The following TMEM114 variants were observed in gnomAD, a reference collection of about 807,000 sequenced individuals.
TMEM114 encodes the protein claudin-26.
In TMEM114, 6 loss-of-function variants were observed where a neutral mutation model predicts 6.2. The ratio of observed to expected loss-of-function variants is 0.97; its 90% CI spans 0.53 to 1.91. The LOEUF is 1.91. Among genes scored for constraint, TMEM114 ranks in the 40% most tolerant of loss-of-function variants. The pLI, the probability that TMEM114 is intolerant of heterozygous loss-of-function variation, is 0.01. For missense variants in TMEM114, 218 were observed against 158.3 expected, an observed-to-expected ratio of 1.38 and a Z score of -2.02; for synonymous variants, 104 against 73.0, an observed-to-expected ratio of 1.42 and a Z score of -2.16.
chr16:8,552,020 C>T (rs185088491), intron 2 of TMEM114, among the ~76,000 whole-genome samples: 1 of 152,242 alleles, frequency 6.6e-6, no homozygotes, highest in African/African-American at 2.4e-5. Context: ...ATATAACATT[C>T]TCAAAATTAC....
chr16:8,561,561 A>G (rs1901200647), intron 2 of TMEM114, among the ~76,000 whole-genome samples: 1 of 152,242 alleles, frequency 6.6e-6, no homozygotes, highest in Admixed American at 6.5e-5. Flanking sequence ...CTGGCACATC[A>G]GGCATCAAAG....
intron 2 of TMEM114, among the ~76,000 whole-genome samples, chr16:8,538,976 T>A (rs1900440935): frequency 6.6e-6 from 1 of 152,196 alleles, no homozygotes; most frequent in Admixed American, 6.5e-5. Flanking sequence ...CCATCTCTAG[T>A]CAAATGCCTG....
At chr16:8,542,078 A>G (rs1027210372) in intron 2 of TMEM114, among the ~76,000 whole-genome samples, 10 of 152,020 alleles carry the variant, frequency 6.6e-5, no homozygotes, top group African/African-American at 2.4e-4. Flanking sequence ...GAAGCATACC[A>G]TTGTGCTGGC....
intron 2 of TMEM114, among the ~76,000 whole-genome samples, chr16:8,584,922 CAAAAAAAAAAAAA>C (rs905674847): frequency 2.0e-5 from 1 of 49,206 alleles, no homozygotes; most frequent in East Asian, 7.6e-4. Context: ...AACGCCGTCT[CAAAAAAAAAAAAA>C]AAAAAAAGAA....
At chr16:8,544,481 A>T (rs539805979) in intron 2 of TMEM114, among the ~76,000 whole-genome samples, 1 of 152,306 alleles carries the variant, frequency 6.6e-6, no homozygotes, top group South Asian at 2.1e-4. Context: ...AAGAAACAAA[A>T]CCTGCTGAAT....
At chr16:8,534,131 T>C (rs776698079), downstream of TMEM114, among the ~76,000 whole-genome samples, 1 of 152,206 alleles carries the variant, frequency 6.6e-6, no homozygotes, top group Non-Finnish European at 1.5e-5. Flanking sequence ...ATATTTATTG[T>C]GCATATTTTA....
intron 2 of TMEM114, among the ~76,000 whole-genome samples, chr16:8,560,404 G>C (rs868194880): frequency 6.6e-6 from 1 of 152,100 alleles, no homozygotes; most frequent in Admixed American, 6.5e-5. Flanking sequence ...GCAAGGGTCA[G>C]ATGAGCCTTG....
At chr16:8,527,196 G>A in the TMEM114 span, among the ~76,000 whole-genome samples, 5 of 152,200 alleles carry the variant, frequency 3.3e-5, no homozygotes, top group Admixed American at 2.6e-4. Flanking sequence ...GGGCAACAGA[G>A]TGAAACTGTG....
intron 2 of TMEM114, among the ~76,000 whole-genome samples, chr16:8,588,190 G>A (rs1180012318): frequency 5.3e-5 from 8 of 151,408 alleles, no homozygotes; most frequent in Non-Finnish European, 4.4e-5. Context: ...AGGAGGCTGA[G>A]ACAGGAGAAT....
At chr16:8,546,780 GTCT>G (rs1340971137) in intron 2 of TMEM114, among the ~76,000 whole-genome samples, 1 of 152,182 alleles carries the variant, frequency 6.6e-6, no homozygotes, top group Non-Finnish European at 1.5e-5. Flanking sequence ...AGCACACCAA[GTCT>G]TCTTTTTCTT....
At chr16:8,558,040 T>C (rs8053885) in intron 2 of TMEM114, among the ~76,000 whole-genome samples, 2 of 151,608 alleles carry the variant, frequency 1.3e-5, no homozygotes, top group Admixed American at 6.6e-5. Flanking sequence ...GATCACCTGA[T>C]GTCAGGAGCT....
chr16:8,535,033 C>A (rs1297729989), downstream of TMEM114, among the ~76,000 whole-genome samples: 1 of 152,126 alleles, frequency 6.6e-6, no homozygotes, highest in Admixed American at 6.6e-5. Flanking sequence ...GGAACTGGGG[C>A]TGGTGCTGAG....
chr16:8,550,867 T>C (rs1216534890), intron 2 of TMEM114, among the ~76,000 whole-genome samples: 1 of 152,110 alleles, frequency 6.6e-6, no homozygotes, highest in Non-Finnish European at 1.5e-5. Flanking sequence ...ACCCACAGGA[T>C]AGAACATCCA....
rs903424945 is a variant in TMEM114 at position 8,590,064 on chromosome 16, A to C, written c.-226T>G. The C allele has an allele frequency of 2.5e-4, 94 of 375,498 alleles. No homozygotes were observed. Among genetic ancestry groups the C allele is most frequent in the Non-Finnish European group, 4.2e-4 (89 of 212,168 alleles). 23.3% of individuals were successfully genotyped at this position (375,498 alleles called of 1,614,324 possible). ...CGCGCCCCCCGCTCAGCCGCCGTCC[A>C]CGTTCCCACCCCTCCAATGCCAGCT... On this transcript the variant is annotated 5_prime_UTR_variant, in exon 1 of 4. Coordinates refer to ENST00000620492, the MANE Select transcript of TMEM114 (RefSeq NM_001146336.2).
chr16:8,547,392 CTTTCTT>C (rs1567196218), intron 2 of TMEM114, among the ~76,000 whole-genome samples: 3 of 144,542 alleles, frequency 2.1e-5, no homozygotes, highest in Admixed American at 6.9e-5. Context: ...TTCTTTCTTT[CTTTCTT>C]TTTTTTTTTT....
At chr16:8,574,634 A>T (rs1280135063) in intron 2 of TMEM114, among the ~76,000 whole-genome samples, 3 of 135,358 alleles carry the variant, frequency 2.2e-5, no homozygotes, top group Non-Finnish European at 4.9e-5. Flanking sequence ...TGGGCAGGGA[A>T]GTACCACAGC....
chr16:8,529,514 G>A, the TMEM114 span, among the ~76,000 whole-genome samples: 1 of 152,164 alleles, frequency 6.6e-6, no homozygotes, highest in Non-Finnish European at 1.5e-5. Context: ...CCTCAGATCA[G>A]CAGCATCAGT....
At chr16:8,565,644 C>T (rs768656183), downstream of TMEM114, among the ~76,000 whole-genome samples, 41 of 152,206 alleles carry the variant, frequency 2.7e-4, no homozygotes, top group Non-Finnish European at 4.9e-4. Flanking sequence ...TCTCATCTGG[C>T]CCTGGGAGGC....
intron 2 of TMEM114, among the ~76,000 whole-genome samples, chr16:8,541,125 C>A (rs1451818169): frequency 6.6e-6 from 1 of 152,086 alleles, no homozygotes; most frequent in Non-Finnish European, 1.5e-5. Flanking sequence ...ATATATTGAA[C>A]TCTTGCTATA....
Sources: allele counts gnomAD v4.1 joint callset (sites outside exome capture counted in the v4.1 genomes callset), GRCh38; gene constraint gnomAD v4.1.1; transcripts MANE v1.5; gene names NCBI Gene and HGNC (gene_info 2026-07-23, HGNC 2026-07-21).